Variants in ARSD observed in about 807,000 individuals in gnomAD.
The protein encoded by ARSD is arylsulfatase D, also known as testis tissue sperm-binding protein Li 39a.
In ARSD, 21 loss-of-function variants were observed where a neutral mutation model predicts 32.6. The observed-to-expected ratio is 0.64, with a 90% CI of 0.46 to 0.93. The LOEUF (loss-of-function observed/expected upper bound fraction) is 0.93, where lower values mean the gene tolerates loss of function less well. Among genes scored for constraint, ARSD ranks in the 40% least tolerant of loss-of-function variants. The pLI is 0.00. For synonymous variants in ARSD, 224 were observed against 237.4 expected, an observed-to-expected ratio of 0.94 and a Z score of 0.52; for missense variants, 454 against 520.9, an observed-to-expected ratio of 0.87 and a Z score of 1.25.
chrX:2,929,312 G>C lies in ARSD; in HGVS notation c.-37C>G, dbSNP rs2089128394. On this transcript the variant is annotated 5_prime_UTR_variant, in exon 1 of 10. Coordinates refer to ENST00000381154, the MANE Select transcript of ARSD (RefSeq NM_001669.4). The stretch of plus-strand genomic sequence containing the variant: ...GGCCCAGAGCGCAGGACCTTGCCCT[G>C]CGCACTCCGCGCCCGGGCGCCGCTA... 3 of 943,600 alleles carry C rather than the reference G, an allele frequency of 3.2e-6. No homozygotes were observed. The highest frequency in any genetic ancestry group is 1.2e-4 in the Admixed American group (2 of 17,111). 77.8% of individuals were successfully genotyped at this position (943,600 alleles called of 1,213,427 possible).
chrX:2,917,877 C>T lies in ARSD; in HGVS notation c.790G>A (p.Val264Ile), dbSNP rs761702823. ...WNCILMRNHD[V>I]TEQPMVLEKT... ...TCCAGAACCATGGGTTGCTCCGTGACGTCATGGTTTCTCATCAGGATACAG... is the reference window on the plus strand; with the variant it reads ...TCCAGAACCATGGGTTGCTCCGTGATGTCATGGTTTCTCATCAGGATACAG... The change falls in exon 5 of 10, where the codon GTC becomes ATC. Residue 264 changes from valine to isoleucine, a missense_variant. By Grantham distance (29) the Val-to-Ile change is conservative. Transcript: ENST00000381154. 12 of 1,211,920 alleles carry T rather than the reference C, an allele frequency of 9.9e-6. No individual in the cohort carries two copies. In the South Asian group the frequency reaches 1.8e-4, roughly 18 times the overall value.
At chrX:2,923,871 G>A (rs1190527227) in intron 2 of ARSD, among the ~76,000 whole-genome samples, 1 of 112,253 alleles carries the variant, frequency 8.9e-6, no homozygotes, top group Non-Finnish European at 1.9e-5. Context: ...TTGGGGGTAT[G>A]CAAATGCTCT....
intron 4 of ARSD, 94 bp from the exon 5 acceptor site, chrX:2,918,321 GAA>G: frequency 1.1e-6 from 1 of 918,335 alleles, no homozygotes; most frequent in Non-Finnish European, 1.5e-6. Context: ...GGCAGGAAAA[GAA>G]AAGTCTGCAA....
intron 4 of ARSD, chrX:2,920,385 C>A (rs867496838): frequency 3.6e-5 from 10 of 275,005 alleles, no homozygotes; most frequent in Non-Finnish European, 4.3e-5. Context: ...TTTTTTTATT[C>A]TTTGAGACAG....
At chrX:2,924,871 C>T (rs1213834413) in intron 2 of ARSD, among the ~76,000 whole-genome samples, 1 of 110,876 alleles carries the variant, frequency 9.0e-6, no homozygotes, top group Admixed American at 9.6e-5. Flanking sequence ...ATGCCTGGAG[C>T]CCCCAGGAGC....
rs1452176423 is a variant in ARSD, at chrX:2,917,897, A to AT, written c.769dup (p.Ile257AsnfsTer7). On this transcript the variant is annotated frameshift_variant, in exon 5 of 10. Coordinates refer to ENST00000381154, the MANE Select transcript of ARSD (RefSeq NM_001669.4). LOFTEE classifies it high-confidence loss of function. ...CGTGACGTCATGGTTTCTCATCAGGATACAGTTCCAGCGTCGCACAAACCC... is the reference window on the plus strand; with the variant it reads ...CGTGACGTCATGGTTTCTCATCAGGATTACAGTTCCAGCGTCGCACAAACCC... The AT allele has an allele frequency of 8.3e-7, 1 of 1,212,042 alleles. No individual in the cohort carries two copies. The highest frequency in any genetic ancestry group is 1.8e-5 in the South Asian group (1 of 56,939).
At chrX:2,928,285 G>C (rs1427018811) in intron 1 of ARSD, among the ~76,000 whole-genome samples, 1 of 99,780 alleles carries the variant, frequency 1.0e-5, no homozygotes, top group African/African-American at 3.7e-5. Flanking sequence ...AGATGGGGAC[G>C]GGACAGAGAA....
chrX:2,914,191 A>G (rs1338059264), intron 6 of ARSD: 1 of 756,012 alleles, frequency 1.3e-6, no homozygotes, highest in East Asian at 1.5e-4. Context: ...GACCAAATAA[A>G]TGATATGAGA....
At chrX:2,908,252 A>ATCG (rs1414255646) in intron 9 of ARSD, among the ~76,000 whole-genome samples, 53 of 107,433 alleles carry the variant, frequency 4.9e-4, no homozygotes, top group Middle Eastern at 5.0e-3. Flanking sequence ...TCTATCTATC[A>ATCG]TCTATCTTAT....
chrX:2,915,608 T>C lies in ARSD; in HGVS notation c.948A>G (p.Lys316=). The change falls in exon 6 of 10, where the codon AAA becomes AAG. Residue 316 remains lysine, a synonymous_variant. Transcript: ENST00000381154. ...PLVTTSAFLG[K]SQHGLYGDNV... is the part of the protein sequence containing the mutation. ...TATCACCATATAAGCCATGCTGACT[T>C]TTCCCCAGGAATGCACTCGTGGTCA... 1 of 1,211,346 alleles carries C rather than the reference T, an allele frequency of 8.3e-7. No individual in the cohort carries two copies. The highest frequency in any genetic ancestry group is 1.1e-6 in the Non-Finnish European group (1 of 895,210).
Position 2,906,061 on chromosome X carries a change from C to T in ARSD, c.*1210G>A, listed in dbSNP as rs1347158209. On this transcript the variant is annotated 3_prime_UTR_variant, in exon 10 of 10. Coordinates refer to ENST00000381154, the MANE Select transcript of ARSD (RefSeq NM_001669.4). Reference sequence around the variant, plus strand: ...CTGGGAATTGAAAAGAGCCTGCTAGCCTTGGGTTGCTTCCCCTTGATCGGC... The same window carrying T: ...CTGGGAATTGAAAAGAGCCTGCTAGTCTTGGGTTGCTTCCCCTTGATCGGC... 9.0e-6 allele frequency: 1 copy of T among 111,616 alleles called. No individual in the cohort carries two copies. Among genetic ancestry groups the T allele is most frequent in the African/African-American group, 3.3e-5 (1 of 30,675 alleles). 9.2% of individuals were successfully genotyped at this position (111,616 alleles called of 1,213,427 possible). A position where few individuals can be genotyped will look rare whatever the true frequency, so the allele number is the denominator to read the frequency against.
chrX:2,911,669 C>CA (rs1289160928), intron 6 of ARSD, among the ~76,000 whole-genome samples: 203 of 27,980 alleles, frequency 7.3e-3, no homozygotes, highest in Non-Finnish European at 8.9e-3. Flanking sequence ...GACTCCATCT[C>CA]AAAAAAAAAA....
chrX:2,916,064 G>A (rs2088955890), intron 5 of ARSD, among the ~76,000 whole-genome samples: 1 of 103,773 alleles, frequency 9.6e-6, no homozygotes, highest in Non-Finnish European at 2.0e-5. Flanking sequence ...CCCGGGAGGT[G>A]GAGCTTGCAG....
chrX:2,925,609 A>G lies in ARSD; in HGVS notation c.194+7T>C, dbSNP rs769387492. ...ACATCATCACCAATAGCAACAACCAACTGTACCTCAGTGTATTGTTCCCGT... is the reference window on the plus strand; with the variant it reads ...ACATCATCACCAATAGCAACAACCAGCTGTACCTCAGTGTATTGTTCCCGT... On this transcript the variant is annotated splice_region_variant and intron_variant, in intron 2 of 9. Coordinates refer to ENST00000381154, the MANE Select transcript of ARSD (RefSeq NM_001669.4). 2.9e-5 allele frequency: 35 copies of G among 1,203,105 alleles called. No homozygotes were observed. Among genetic ancestry groups the G allele is most frequent in the Admixed American group, 2.0e-4 (9 of 44,962 alleles).
At chrX:2,916,214 G>A (rs768799105) in intron 5 of ARSD, among the ~76,000 whole-genome samples, 16 of 109,300 alleles carry the variant, frequency 1.5e-4, no homozygotes, top group Middle Eastern at 4.8e-3. Flanking sequence ...TGGAGGCTGG[G>A]CACAGTGGCT....
rs12846104 is a variant in ARSD at position 2,910,081 on chromosome X, C to T, written c.1136-102G>A. 0.11 allele frequency: 116,370 copies of T among 1,050,433 alleles called. 4,687 individuals are homozygous for T. The highest frequency in any genetic ancestry group is 0.14 in the East Asian group (4,177 of 30,098). The allele number at this position is 1,050,433 out of a possible 1,213,427, so 86.6% of individuals were successfully genotyped here. ...AGGTATGTGAATACGCACAGCCACC[C>T]GGATGCACACATGCACACTGGGGCA... On this transcript the variant is annotated intron_variant, in intron 7 of 9. Transcript: ENST00000381154.
At position 2,909,924 on chromosome X, in the gene ARSD, G is replaced by C. The variant is rs2088888497; in HGVS notation, c.1191C>G (p.His397Gln). The C allele has an allele frequency of 4.1e-6, 5 of 1,211,338 alleles. No individual in the cohort carries two copies. The highest frequency in any genetic ancestry group is 4.5e-6 in the Non-Finnish European group (4 of 895,454). ...EGGIRVPGIF[H>Q]WPGVLPAGRV... Reference sequence around the variant, plus strand: ...GGCCGGCCGGGAGCACCCCCGGCCAGTGGAAGATCCCGGGCACGCGGATCC... The same window carrying C: ...GGCCGGCCGGGAGCACCCCCGGCCACTGGAAGATCCCGGGCACGCGGATCC... Residue 397 changes from histidine to glutamine, a missense_variant, in exon 8 of 10, where the codon CAC becomes CAG. By Grantham distance (24) the His-to-Gln change is conservative. Around this residue, in one of 3 missense-constraint regions of ARSD, gnomAD observed 179 missense variants for 198.5 expected, o/e 0.90. Coordinates refer to ENST00000381154, the MANE Select transcript of ARSD (RefSeq NM_001669.4).
intron 7 of ARSD, 56 bp from the exon 8 acceptor site, chrX:2,910,035 C>T: frequency 8.4e-7 from 1 of 1,185,506 alleles, no homozygotes; most frequent in Admixed American, 2.2e-5. Flanking sequence ...TCTGTACACA[C>T]ATCTGGATGT....
In ARSD at chrX:2,904,633, C is replaced by A. The variant is rs1218236613; in HGVS notation, c.*2638G>T. 8.6e-6 allele frequency: 1 copy of A among 116,844 alleles called. No homozygotes were observed. Among genetic ancestry groups the A allele is most frequent in the Non-Finnish European group, 1.8e-5 (1 of 57,058 alleles). The allele number at this position is 116,844 out of a possible 1,213,427, so 9.6% of individuals were successfully genotyped here. ...ATCTGGAGCTATGGCAGCCTTCTTG[C>A]AACCATGAGGCAAACTCTATGTGCA... is the stretch of plus-strand genomic sequence containing the variant. On this transcript the variant is annotated 3_prime_UTR_variant, in exon 10 of 10. Coordinates refer to ENST00000381154, the MANE Select transcript of ARSD (RefSeq NM_001669.4).
Sources: allele counts gnomAD v4.1 joint callset (sites outside exome capture counted in the v4.1 genomes callset), GRCh38; gene constraint gnomAD v4.1.1; regional missense constraint gnomAD v4.1.1; transcripts MANE v1.5; gene names NCBI Gene and HGNC (gene_info 2026-07-23, HGNC 2026-07-21).